The following ME1 variants were observed in gnomAD, a reference collection of about 807,000 sequenced individuals.
ME1 encodes the protein NADP-dependent malic enzyme.
Under a neutral mutation model 66.4 loss-of-function variants are expected in ME1, and 74 were observed. The ratio of observed to expected loss-of-function variants is 1.11; its 90% CI spans 0.92 to 1.35. The LOEUF is 1.35. Among genes scored for constraint, ME1 ranks in the 40% most tolerant of loss-of-function variants. The pLI is 0.00. For synonymous variants in ME1, 251 were observed against 235.6 expected, an observed-to-expected ratio of 1.07 and a Z score of -0.60; for missense variants, 750 against 694.1, an observed-to-expected ratio of 1.08 and a Z score of -0.90.
chr6:83,383,353 A>C (rs751043673), intron 3 of ME1, among the ~76,000 whole-genome samples: 6 of 151,958 alleles, frequency 3.9e-5, no homozygotes, highest in Non-Finnish European at 8.8e-5. Flanking sequence ...CAATCTCTAC[A>C]TATCACAGCT....
At chr6:83,352,770 T>C (rs1445217281) in intron 3 of ME1, among the ~76,000 whole-genome samples, 1 of 152,180 alleles carries the variant, frequency 6.6e-6, no homozygotes, top group Non-Finnish European at 1.5e-5. Context: ...CAAATTAAAA[T>C]AATAGAATTT....
chr6:83,382,204 T>C (rs1385206780), intron 3 of ME1, among the ~76,000 whole-genome samples: 1 of 152,134 alleles, frequency 6.6e-6, no homozygotes, highest in Non-Finnish European at 1.5e-5. Context: ...TACTCATGTA[T>C]TTCTTTGTTC....
intron 3 of ME1, among the ~76,000 whole-genome samples, chr6:83,379,506 T>A (rs1769355177): frequency 6.6e-6 from 1 of 152,076 alleles, no homozygotes; most frequent in Non-Finnish European, 1.5e-5. Flanking sequence ...TCCTTTGCAT[T>A]CTATGAATGC....
intron 2 of ME1, among the ~76,000 whole-genome samples, chr6:83,400,721 G>A (rs926760827): frequency 2.6e-5 from 4 of 152,156 alleles, no homozygotes; most frequent in African/African-American, 9.7e-5. Context: ...CTTAGATCAT[G>A]TGGCTCTTCT....
intron 3 of ME1, among the ~76,000 whole-genome samples, chr6:83,390,862 A>ATC (rs1235952725): frequency 6.9e-6 from 1 of 144,604 alleles, no homozygotes; most frequent in African/African-American, 2.5e-5. Flanking sequence ...CCAGCCACCC[A>ATC]TCTCTCTCTA....
intron 3 of ME1, among the ~76,000 whole-genome samples, chr6:83,359,007 C>T (rs1275077864): frequency 1.3e-5 from 2 of 152,120 alleles, no homozygotes; most frequent in African/African-American, 2.4e-5. Context: ...GAAGGTTGCA[C>T]AGCGGCCAGG....
chr6:83,419,131 G>GAGC (rs10660581), intron 1 of ME1, among the ~76,000 whole-genome samples: 1 of 62,224 alleles, frequency 1.6e-5, no homozygotes, highest in Non-Finnish European at 3.2e-5. Flanking sequence ...ATTATCCTAA[G>GAGC]TATGGGAAGC....
At chr6:83,349,363 G>T (rs191467084) in intron 4 of ME1, among the ~76,000 whole-genome samples, 110 of 152,102 alleles carry the variant, frequency 7.2e-4, no homozygotes, top group Admixed American at 3.3e-3. Context: ...GAAGCAGTTG[G>T]ATGTTTTCTG....
At chr6:83,275,071 C>T (rs1376688055) in intron 6 of ME1, among the ~76,000 whole-genome samples, 1 of 152,112 alleles carries the variant, frequency 6.6e-6, no homozygotes, top group African/African-American at 2.4e-5. Context: ...CAGTGGCTTA[C>T]GTCTGCAATC....
At chr6:83,306,323 G>C (rs1456526134) in intron 6 of ME1, among the ~76,000 whole-genome samples, 1 of 151,816 alleles carries the variant, frequency 6.6e-6, no homozygotes, top group Non-Finnish European at 1.5e-5. Flanking sequence ...ATGGTATACA[G>C]ATTATTTTGA....
At chr6:83,393,815 C>T (rs1327154575) in intron 3 of ME1, among the ~76,000 whole-genome samples, 1 of 151,984 alleles carries the variant, frequency 6.6e-6, no homozygotes, top group Non-Finnish European at 1.5e-5. Context: ...TGGACATGCA[C>T]AGATGTTTAT....
intron 5 of ME1, among the ~76,000 whole-genome samples, chr6:83,324,251 G>T (rs1177076443): frequency 6.6e-6 from 1 of 151,532 alleles, no homozygotes; most frequent in Non-Finnish European, 1.5e-5. Flanking sequence ...ATCTAAAATT[G>T]ACACCCTAAC....
chr6:83,236,402 A>C (rs2128525190), intron 9 of ME1, among the ~76,000 whole-genome samples: 1 of 152,328 alleles, frequency 6.6e-6, no homozygotes, highest in African/African-American at 2.4e-5. Flanking sequence ...AGCTTTCCAG[A>C]AAGTCTGTAT....
chr6:83,312,390 C>T (rs1767948513), intron 6 of ME1, among the ~76,000 whole-genome samples: 1 of 152,176 alleles, frequency 6.6e-6, no homozygotes, highest in Non-Finnish European at 1.5e-5. Flanking sequence ...GATGTGTAAT[C>T]AGAAAAGACA....
chr6:83,220,978 G>A (rs1438103506), intron 12 of ME1, among the ~76,000 whole-genome samples: 1 of 152,100 alleles, frequency 6.6e-6, no homozygotes, highest in Non-Finnish European at 1.5e-5. Flanking sequence ...GGCCAACATG[G>A]TGAAACCCCG....
chr6:83,361,414 G>A (rs977094495), intron 3 of ME1, among the ~76,000 whole-genome samples: 2 of 152,198 alleles, frequency 1.3e-5, no homozygotes, highest in African/African-American at 2.4e-5. Flanking sequence ...CCCATTTATC[G>A]AGTGACCTGA....
intron 5 of ME1, among the ~76,000 whole-genome samples, chr6:83,342,805 G>C (rs1449045777): frequency 1.3e-5 from 2 of 151,904 alleles, no homozygotes; most frequent in Admixed American, 6.6e-5. Context: ...TCCTGCCTCA[G>C]CCTCCCAAGT....
chr6:83,229,995 CA>C (rs961735235), intron 9 of ME1, among the ~76,000 whole-genome samples: 7 of 150,536 alleles, frequency 4.7e-5, no homozygotes, highest in African/African-American at 1.7e-4. Flanking sequence ...GCTAATTTAT[CA>C]TTTTTTTTTA....
At chr6:83,334,273 C>T (rs1471116826) in intron 5 of ME1, among the ~76,000 whole-genome samples, 75 of 137,522 alleles carry the variant, frequency 5.5e-4, no homozygotes, top group African/African-American at 1.9e-3. Context: ...TAAGAAACGG[C>T]GCACCACGAG....
Sources: allele counts gnomAD v4.1 joint callset (sites outside exome capture counted in the v4.1 genomes callset), GRCh38; gene constraint gnomAD v4.1.1; transcripts MANE v1.5; gene names NCBI Gene and HGNC (gene_info 2026-07-23, HGNC 2026-07-21).